The following YES1 variants were observed in gnomAD, a reference collection of about 807,000 sequenced individuals.
YES1 encodes the protein tyrosine-protein kinase Yes.
YES1 carries 39 observed loss-of-function variants against 70.4 expected under a neutral mutation model. The observed-to-expected ratio is 0.55, with a 90% CI of 0.43 to 0.72. The LOEUF is 0.72. Ranked by LOEUF, YES1 falls within the 30% of genes least tolerant of loss-of-function variation. The pLI is 0.00. For missense variants in YES1, 495 were observed against 644.8 expected (o/e 0.77, Z 2.52); for synonymous variants, 198 against 218.6 (o/e 0.91, Z 0.83).
At chr18:751,334 CCTT>C (rs2080339883) in intron 3 of YES1, among the ~76,000 whole-genome samples, 1 of 151,638 alleles carries the variant, frequency 6.6e-6, no homozygotes, top group Non-Finnish European at 1.5e-5. Flanking sequence ...TTCTCCCCCT[CCTT>C]TTTTTTTAAT....
At chr18:767,564 T>C (rs377061735) in intron 1 of YES1, among the ~76,000 whole-genome samples, 3 of 152,220 alleles carry the variant, frequency 2.0e-5, no homozygotes, top group African/African-American at 7.2e-5. Context: ...CAATTAACCA[T>C]GTATGTGTGT....
intron 1 of YES1, among the ~76,000 whole-genome samples, chr18:761,446 G>A (rs887651693): frequency 3.3e-5 from 5 of 152,158 alleles, no homozygotes; most frequent in South Asian, 2.1e-4. Context: ...TCTGATAGGA[G>A]GCCAACTCGG....
chr18:792,872 A>G (rs971245937), intron 1 of YES1, among the ~76,000 whole-genome samples: 1 of 151,952 alleles, frequency 6.6e-6, no homozygotes, highest in Admixed American at 6.6e-5. Context: ...GGGGGGGAAA[A>G]AGCTTAAATC....
At chr18:733,782 C>CAAAAAAAAAAAAAAAA (rs71174280) in intron 10 of YES1, among the ~76,000 whole-genome samples, 7 of 59,248 alleles carry the variant, frequency 1.2e-4, no homozygotes, top group African/African-American at 3.6e-4. Context: ...GACTCCGTCT[C>CAAAAAAAAAAAAAAAA]AAAAAAAAAA....
chr18:740,202 A>T (rs1317459254), intron 8 of YES1, among the ~76,000 whole-genome samples: 6 of 152,206 alleles, frequency 3.9e-5, no homozygotes, highest in Admixed American at 3.9e-4. Flanking sequence ...AGGTAGCTAA[A>T]TGAGTCGCTG....
At chr18:774,861 G>A (rs1169725228) in intron 1 of YES1, among the ~76,000 whole-genome samples, 2 of 152,054 alleles carry the variant, frequency 1.3e-5, no homozygotes, top group Non-Finnish European at 2.9e-5. Context: ...TGGCCTTCAA[G>A]ATCCAATAAC....
At chr18:811,643 T>G (rs2145851643) in intron 1 of YES1, among the ~76,000 whole-genome samples, 1 of 152,002 alleles carries the variant, frequency 6.6e-6, no homozygotes. Context: ...GAAAGGCTCA[T>G]CCACTCGCCC....
intron 1 of YES1, among the ~76,000 whole-genome samples, chr18:785,445 G>GGCTTGTTCTAAGTA (rs72194254): frequency 6.6e-6 from 1 of 152,046 alleles, no homozygotes; most frequent in East Asian, 1.9e-4. Context: ...AGTAAAGCTG[G>GGCTTGTTCTAAGTA]GCTTGTTCTA....
At chr18:768,350 A>G (rs1905001982) in intron 1 of YES1, among the ~76,000 whole-genome samples, 1 of 152,244 alleles carries the variant, frequency 6.6e-6, no homozygotes, top group African/African-American at 2.4e-5. Context: ...TTCTTAATCT[A>G]TAGATCAATC....
At chr18:809,296 C>T (rs1300437568) in intron 1 of YES1, among the ~76,000 whole-genome samples, 1 of 151,930 alleles carries the variant, frequency 6.6e-6, no homozygotes, top group Non-Finnish European at 1.5e-5. Flanking sequence ...TTGTACATTT[C>T]GGAGTATTTG....
intron 1 of YES1, among the ~76,000 whole-genome samples, chr18:810,944 A>C (rs1422715516): frequency 6.6e-6 from 1 of 151,384 alleles, no homozygotes; most frequent in Non-Finnish European, 1.5e-5. Context: ...CCGTGTGCCA[A>C]GCACTGTGAT....
At chr18:800,446 A>G (rs1184294103) in intron 1 of YES1, among the ~76,000 whole-genome samples, 6 of 152,232 alleles carry the variant, frequency 3.9e-5, no homozygotes, top group Non-Finnish European at 7.3e-5. Context: ...TTATGTAAAG[A>G]CTTAATAAAC....
chr18:808,662 C>A (rs917255102), intron 1 of YES1, among the ~76,000 whole-genome samples: 5 of 152,188 alleles, frequency 3.3e-5, no homozygotes, highest in Non-Finnish European at 7.3e-5. Flanking sequence ...TATAACATGA[C>A]TGAAAGTTCC....
At chr18:780,197 A>C (rs1419675279) in intron 1 of YES1, among the ~76,000 whole-genome samples, 1 of 152,106 alleles carries the variant, frequency 6.6e-6, no homozygotes, top group Non-Finnish European at 1.5e-5. Flanking sequence ...TGCCCTCTGC[A>C]CTCCAGCTTG....
At chr18:747,893 T>C in intron 4 of YES1, 27 bp downstream of exon 4, 1 of 1,599,946 alleles carries the variant, frequency 6.3e-7, no homozygotes, top group East Asian at 2.2e-5. Context: ...ATCAAAATAA[T>C]TAATAAAATA....
rs139988031 is a variant in YES1, at chr18:797,633, T to C, written c.-9+14481A>G. On this transcript the variant is annotated intron_variant, in intron 1 of 11. Transcript: ENST00000314574. ...GTTCAATAAAGCACTTCTAAACAAC[T>C]GTTAAAAATTACTTCTTTATAATCT... 4.5e-3 allele frequency among the ~76,000 whole-genome samples: 691 copies of C among 152,326 alleles called. 4 individuals carry two copies. The highest frequency in any genetic ancestry group is 0.016 in the African/African-American group (659 of 41,574).
intron 1 of YES1, among the ~76,000 whole-genome samples, chr18:773,806 TTCTC>T (rs1214479090): frequency 1.3e-5 from 2 of 150,844 alleles, no homozygotes; most frequent in African/African-American, 2.4e-5. Flanking sequence ...AAAACTGAGG[TTCTC>T]TCTCTCTCTT....
chr18:786,862 A>AC (rs1192263686), intron 1 of YES1, among the ~76,000 whole-genome samples: 1 of 152,090 alleles, frequency 6.6e-6, no homozygotes, highest in Non-Finnish European at 1.5e-5. Flanking sequence ...CTTTGAACAG[A>AC]AACACACATA....
intron 3 of YES1, among the ~76,000 whole-genome samples, chr18:750,185 C>T (rs2080327502): frequency 6.6e-6 from 1 of 152,308 alleles, no homozygotes; most frequent in African/African-American, 2.4e-5. Flanking sequence ...GAAACTCATA[C>T]ACTTGGTTTG....
Sources: allele counts gnomAD v4.1 joint callset (sites outside exome capture counted in the v4.1 genomes callset), GRCh38; gene constraint gnomAD v4.1.1; transcripts MANE v1.5; gene names NCBI Gene and HGNC (gene_info 2026-07-23, HGNC 2026-07-21).